Variants in MAGI2 observed in about 807,000 individuals in gnomAD.
MAGI2 encodes membrane-associated guanylate kinase, WW and PDZ domain-containing protein 2.
A neutral mutation model predicts 133.3 loss-of-function variants in MAGI2; 35 were observed. The observed-to-expected ratio is 0.26, with a 90% CI of 0.20 to 0.35. The LOEUF (loss-of-function observed/expected upper bound fraction) is 0.35, where lower values mean the gene tolerates loss of function less well. MAGI2 is among the 10% of genes least tolerant of loss of function. The pLI, the probability that MAGI2 is intolerant of heterozygous loss-of-function variation, is 1.00. For synonymous variants in MAGI2, 729 were observed against 710.6 expected, an observed-to-expected ratio of 1.03 and a Z score of -0.41; for missense variants, 1,636 against 1,863.4, an observed-to-expected ratio of 0.88 and a Z score of 2.25.
At position 78,300,461 on chromosome 7, in the gene MAGI2, A is replaced by C. The variant is rs139461109; in HGVS notation, c.1408+43317T>G. On this transcript the variant is annotated intron_variant, in intron 9 of 21. Transcript: ENST00000354212. ...TGAAAGCACCACCATAAACAACGTG[A>C]AATTTCATATTGCACTTATCCATGA... 1.7e-3 allele frequency among the ~76,000 whole-genome samples: 256 copies of C among 152,330 alleles called. 2 individuals are homozygous for C. In the East Asian group the frequency reaches 0.037, roughly 22 times the overall value.
At chr7:79,152,720 T>C (rs948555470) in intron 1 of MAGI2, among the ~76,000 whole-genome samples, 1 of 152,140 alleles carries the variant, frequency 6.6e-6, no homozygotes, top group African/African-American at 2.4e-5. Flanking sequence ...TCCAGGTGTT[T>C]AGGTGGAGCA....
intron 1 of MAGI2, among the ~76,000 whole-genome samples, chr7:79,135,975 G>GA (rs1237016344): frequency 4.9e-4 from 15 of 30,494 alleles, no homozygotes; most frequent in African/African-American, 8.0e-4. Context: ...AAGAAAGAAA[G>GA]AAAGAAAGAA....
chr7:79,046,509 A>G (rs1455533975), intron 1 of MAGI2, among the ~76,000 whole-genome samples: 1 of 152,210 alleles, frequency 6.6e-6, no homozygotes, highest in Non-Finnish European at 1.5e-5. Flanking sequence ...TAGCGAAGTA[A>G]TACACGTGAT....
At chr7:78,345,594 C>A in intron 8 of MAGI2, 1 of 247,442 alleles carries the variant, frequency 4.0e-6, no homozygotes. Context: ...GAGAACAAGC[C>A]TCATTCTTGT....
chr7:78,397,404 G>C, intron 6 of MAGI2, among the ~76,000 whole-genome samples: 1 of 117,102 alleles, frequency 8.5e-6, no homozygotes, highest in Admixed American at 8.8e-5. Flanking sequence ...CACACCCCTT[G>C]TCTTACATTG....
chr7:78,021,737 A>C (rs1808413081), intron 21 of MAGI2, among the ~76,000 whole-genome samples: 2 of 152,224 alleles, frequency 1.3e-5, no homozygotes, highest in Admixed American at 1.3e-4. Flanking sequence ...AAATCCTAGA[A>C]GTCCTGGAAT....
chr7:79,136,072 A>AGAAAGAAAGAAAGAAAGAAAGAAAGAAG (rs1821489306), intron 1 of MAGI2, among the ~76,000 whole-genome samples: 10 of 43,166 alleles, frequency 2.3e-4, no homozygotes, highest in African/African-American at 7.5e-4. Flanking sequence ...AAAGAAGGAA[A>AGAAAGAAAGAAAGAAAGAAAGAAAGAAG]GAAAGAAAGA....
chr7:78,249,586 C>T (rs552380672), intron 10 of MAGI2, among the ~76,000 whole-genome samples: 1 of 151,968 alleles, frequency 6.6e-6, no homozygotes, highest in Non-Finnish European at 1.5e-5. Context: ...GAGGACATTA[C>T]ATTAAGTATG....
intron 1 of MAGI2, among the ~76,000 whole-genome samples, chr7:79,329,193 T>C (rs934078038): frequency 6.6e-6 from 1 of 152,278 alleles, no homozygotes; most frequent in East Asian, 1.9e-4. Context: ...AAACTTATAG[T>C]TTGAGAATCA....
intron 16 of MAGI2, among the ~76,000 whole-genome samples, chr7:78,145,460 G>GT (rs1823205717): frequency 6.6e-6 from 1 of 152,092 alleles, no homozygotes; most frequent in East Asian, 1.9e-4. Context: ...TTTCCATTCT[G>GT]TTTTTCTGGT....
chr7:78,975,437 G>A (rs1284766627), intron 2 of MAGI2, among the ~76,000 whole-genome samples: 1 of 151,612 alleles, frequency 6.6e-6, no homozygotes, highest in East Asian at 1.9e-4. Context: ...TGTGTCCAAA[G>A]AAGAAGTCAC....
At chr7:78,860,829 C>G (rs541064902) in intron 2 of MAGI2, among the ~76,000 whole-genome samples, 1 of 152,144 alleles carries the variant, frequency 6.6e-6, no homozygotes, top group African/African-American at 2.4e-5. Flanking sequence ...TCAGCTATGC[C>G]CTGCCCCCAG....
chr7:79,105,658 G>A (rs1818389975), intron 1 of MAGI2, among the ~76,000 whole-genome samples: 1 of 152,136 alleles, frequency 6.6e-6, no homozygotes, highest in Non-Finnish European at 1.5e-5. Context: ...CTTAATGTTA[G>A]CATAACCAAA....
At chr7:78,320,677 GA>G (rs1787904114) in intron 9 of MAGI2, among the ~76,000 whole-genome samples, 1 of 152,128 alleles carries the variant, frequency 6.6e-6, no homozygotes, top group Non-Finnish European at 1.5e-5. Flanking sequence ...TACTGAATGG[GA>G]AAAAACTGGA....
chr7:78,247,776 A>G (rs764052902), intron 10 of MAGI2, among the ~76,000 whole-genome samples: 29 of 152,130 alleles, frequency 1.9e-4, no homozygotes, highest in Non-Finnish European at 1.0e-4. Flanking sequence ...AAAAACAAAA[A>G]CCCAAAACAA....
At chr7:78,445,685 GATTC>G (rs1331822373) in intron 6 of MAGI2, among the ~76,000 whole-genome samples, 5 of 151,972 alleles carry the variant, frequency 3.3e-5, no homozygotes, top group African/African-American at 1.2e-4. Flanking sequence ...AATTTACTGG[GATTC>G]ACCTTAATGT....
intron 2 of MAGI2, among the ~76,000 whole-genome samples, chr7:78,668,996 T>C (rs1234581895): frequency 6.6e-6 from 1 of 151,758 alleles, no homozygotes; most frequent in Non-Finnish European, 1.5e-5. Flanking sequence ...TACCCTAACA[T>C]CACAATTAAA....
At chr7:79,360,963 T>A (rs1053176088) in intron 1 of MAGI2, among the ~76,000 whole-genome samples, 2 of 152,132 alleles carry the variant, frequency 1.3e-5, no homozygotes, top group East Asian at 3.9e-4. Flanking sequence ...TATATGCTGC[T>A]TACAAGAAAC....
intron 16 of MAGI2, among the ~76,000 whole-genome samples, chr7:78,145,590 G>A (rs932194036): frequency 3.3e-5 from 5 of 152,100 alleles, no homozygotes; most frequent in African/African-American, 4.8e-5. Context: ...GGGCAAATTT[G>A]GCCCCCTGTT....
Sources: allele counts gnomAD v4.1 joint callset (sites outside exome capture counted in the v4.1 genomes callset), GRCh38; gene constraint gnomAD v4.1.1; transcripts MANE v1.5; gene names NCBI Gene and HGNC (gene_info 2026-07-23, HGNC 2026-07-21).